SMG6: variants seen among roughly 807,000 people sequenced by gnomAD.
SMG6 encodes SMG6 nonsense mediated mRNA decay factor.
Under a neutral mutation model 142.2 loss-of-function variants are expected in SMG6, and 66 were observed. That is an observed-to-expected ratio of 0.46 (90% CI 0.38 to 0.57). The LOEUF (loss-of-function observed/expected upper bound fraction) is 0.57, where lower values mean the gene tolerates loss of function less well. Among genes scored for constraint, SMG6 ranks in the 20% least tolerant of loss-of-function variants. SMG6 has a pLI of 0.00. For synonymous variants in SMG6, 779 were observed against 702.4 expected (o/e 1.11, Z -1.72); for missense variants, 1,793 against 1,832.0 (o/e 0.98, Z 0.39).
chr17:2,267,517 T>C (rs898444673), intron 8 of SMG6, among the ~76,000 whole-genome samples: 5 of 152,072 alleles, frequency 3.3e-5, no homozygotes, highest in Admixed American at 1.3e-4. Flanking sequence ...GGAGTCTTTA[T>C]ATCCATGAGG....
intron 13 of SMG6, among the ~76,000 whole-genome samples, chr17:2,126,908 G>GCACACACA (rs967899968): frequency 1.8e-4 from 12 of 66,090 alleles, no homozygotes; most frequent in African/African-American, 1.0e-3. Context: ...GCACACACAT[G>GCACACACA]CACACAGACA....
intron 13 of SMG6, chr17:2,087,556 A>C (rs1202876776): frequency 3.0e-6 from 3 of 1,011,258 alleles, no homozygotes; most frequent in Non-Finnish European, 3.6e-6. Flanking sequence ...GTTCTCGGCT[A>C]CCCAGAAGGG....
At chr17:2,216,369 GA>G (rs1471281243) in intron 10 of SMG6, among the ~76,000 whole-genome samples, 9 of 152,128 alleles carry the variant, frequency 5.9e-5, no homozygotes, top group South Asian at 2.1e-4. Flanking sequence ...AAAAGGGGGG[GA>G]AAAAGTAGGC....
intron 13 of SMG6, among the ~76,000 whole-genome samples, chr17:2,119,999 G>A (rs568683096): frequency 5.9e-5 from 9 of 151,878 alleles, no homozygotes; most frequent in African/African-American, 1.7e-4. Context: ...GTAGAGAAAC[G>A]GTTTCACCGT....
At chr17:2,234,050 A>G (rs1265738584) in intron 10 of SMG6, among the ~76,000 whole-genome samples, 1 of 152,142 alleles carries the variant, frequency 6.6e-6, no homozygotes, top group East Asian at 1.9e-4. Flanking sequence ...GAGAGTCAGG[A>G]GCAGACCAGT....
chr17:2,251,055 G>A (rs1023420248), intron 8 of SMG6, among the ~76,000 whole-genome samples: 2 of 151,712 alleles, frequency 1.3e-5, no homozygotes, highest in Non-Finnish European at 2.9e-5. Context: ...CCTAAGACAA[G>A]GCCTATGAAG....
chr17:2,154,009 G>A (rs1280827589), intron 13 of SMG6, among the ~76,000 whole-genome samples: 3 of 137,114 alleles, frequency 2.2e-5, no homozygotes, highest in Admixed American at 1.4e-4. Context: ...GGGAAACCTG[G>A]GGATGCATGT....
chr17:2,150,941 T>C (rs891728474), intron 13 of SMG6, among the ~76,000 whole-genome samples: 11 of 151,566 alleles, frequency 7.3e-5, no homozygotes, highest in African/African-American at 2.7e-4. Flanking sequence ...CCTCTACCTG[T>C]ACATCTGTTT....
intron 10 of SMG6, among the ~76,000 whole-genome samples, chr17:2,189,158 C>G (rs1052311090): frequency 1.3e-5 from 2 of 152,126 alleles, no homozygotes; most frequent in Non-Finnish European, 2.9e-5. Context: ...CTTTTGTTTT[C>G]ACAAATTCCT....
chr17:2,275,442 T>C (rs953053464), intron 8 of SMG6, among the ~76,000 whole-genome samples: 1 of 151,940 alleles, frequency 6.6e-6, no homozygotes, highest in African/African-American at 2.4e-5. Context: ...AAAATTAAAA[T>C]AAGTCTATCA....
chr17:2,140,604 G>A (rs994898366), intron 13 of SMG6, among the ~76,000 whole-genome samples: 2 of 150,734 alleles, frequency 1.3e-5, no homozygotes, highest in Non-Finnish European at 1.5e-5. Flanking sequence ...CCTGGGAGGC[G>A]GAGGTTGCAG....
intron 9 of SMG6, among the ~76,000 whole-genome samples, chr17:2,239,841 T>C (rs1372803108): frequency 6.6e-6 from 1 of 152,176 alleles, no homozygotes; most frequent in East Asian, 1.9e-4. Context: ...ACAAAATAAA[T>C]ATATCAGTCT....
In SMG6 at chr17:2,102,903, G is replaced by A. The variant is rs1036951590; in HGVS notation, c.3358-17002C>T. Reference sequence around the variant, plus strand: ...GAGAACATATGGTATGTGTCTTTCCGTGCCTGGCTTATTTCACTCAGCATA... The same window carrying A: ...GAGAACATATGGTATGTGTCTTTCCATGCCTGGCTTATTTCACTCAGCATA... On this transcript the variant is annotated intron_variant, in intron 13 of 18. Coordinates refer to ENST00000263073, the MANE Select transcript of SMG6 (RefSeq NM_017575.5). Among the ~76,000 whole-genome samples, 5 of 152,184 alleles carry A rather than the reference G, an allele frequency of 3.3e-5. No homozygotes were observed. In the South Asian group the frequency reaches 8.3e-4, roughly 25 times the overall value.
At chr17:2,222,290 G>T (rs1448176838) in intron 10 of SMG6, among the ~76,000 whole-genome samples, 1 of 151,958 alleles carries the variant, frequency 6.6e-6, no homozygotes, top group Non-Finnish European at 1.5e-5. Flanking sequence ...GTAGAATGCA[G>T]CAGTGTTAAA....
intron 15 of SMG6, chr17:2,073,030 C>G (rs2068149160): frequency 6.6e-6 from 1 of 152,126 alleles, no homozygotes; most frequent in Non-Finnish European, 1.5e-5. Flanking sequence ...GGAAATAGAA[C>G]TGGGGATGAG....
At chr17:2,115,441 C>T (rs181392186) in intron 13 of SMG6, among the ~76,000 whole-genome samples, 34 of 152,192 alleles carry the variant, frequency 2.2e-4, no homozygotes, top group African/African-American at 6.0e-4. Flanking sequence ...GCACAAACTT[C>T]GGAAACTTTC....
chr17:2,175,203 C>A (rs1308590606), intron 12 of SMG6, among the ~76,000 whole-genome samples: 3 of 152,160 alleles, frequency 2.0e-5, no homozygotes, highest in Non-Finnish European at 4.4e-5. Flanking sequence ...GGCTGCAGAG[C>A]AGCAATTTGG....
intron 12 of SMG6, among the ~76,000 whole-genome samples, chr17:2,182,118 T>C (rs1470857530): frequency 1.3e-5 from 2 of 152,190 alleles, no homozygotes; most frequent in Non-Finnish European, 2.9e-5. Context: ...TCAGTGACCC[T>C]TGTGCATGCT....
chr17:2,125,306 A>G (rs574656069), intron 13 of SMG6, among the ~76,000 whole-genome samples: 51 of 152,256 alleles, frequency 3.3e-4, no homozygotes, highest in African/African-American at 8.9e-4. Context: ...TGCATTCCAT[A>G]CAATCCAGAC....
Sources: gnomAD v4.1 joint callset for allele counts (sites outside exome capture counted in the v4.1 genomes callset) on GRCh38, gnomAD v4.1.1 for gene constraint, MANE v1.5 for transcripts, NCBI Gene and HGNC (gene_info 2026-07-23, HGNC 2026-07-21) for gene names.